JARID2: variants seen among roughly 807,000 people sequenced by gnomAD.
The protein encoded by JARID2 is protein Jumonji.
JARID2 carries 21 observed loss-of-function variants against 125.6 expected under a neutral mutation model. The observed-to-expected ratio is 0.17, with a 90% confidence interval of 0.12 to 0.24. The LOEUF is 0.24. Among genes scored for constraint, JARID2 ranks in the 10% least tolerant of loss-of-function variants. The pLI is 1.00. For missense variants in JARID2, 1,303 were observed against 1,639.6 expected (o/e 0.79, Z 3.55); for synonymous variants, 736 against 661.6 (o/e 1.11, Z -1.73).
At chr6:15,454,011 C>T (rs747547912) in intron 4 of JARID2, among the ~76,000 whole-genome samples, 4 of 152,144 alleles carry the variant, frequency 2.6e-5, no homozygotes, top group Admixed American at 6.5e-5. Context: ...AGGGTCTATC[C>T]GAAGTTCTGT....
At position 15,496,461 on chromosome 6, in the gene JARID2, G is replaced by A. The variant is rs902290065; in HGVS notation, c.1236G>A (p.Arg412=). 1 of 1,613,408 alleles carries A rather than the reference G, an allele frequency of 6.2e-7. No individual in the cohort carries two copies. Among genetic ancestry groups the A allele is most frequent in the African/African-American group, 1.3e-5 (1 of 74,922 alleles). The change falls in exon 7 of 18, where the codon AGG becomes AGA. Residue 412 remains arginine, a synonymous_variant. Transcript: ENST00000341776. ...PAVNGLKVSG[R]LNPKSCTKEV... The stretch of plus-strand genomic sequence containing the variant: ...TCAATGGCCTCAAGGTCAGTGGCAG[G>A]TTGAACCCAAAGTCATGCACTAAGG...
intron 1 of JARID2, among the ~76,000 whole-genome samples, chr6:15,360,671 A>G (rs948174519): frequency 1.3e-5 from 2 of 151,948 alleles, no homozygotes; most frequent in Admixed American, 1.3e-4. Context: ...CTAATTTTAA[A>G]TTTTTGTTGT....
intron 2 of JARID2, among the ~76,000 whole-genome samples, chr6:15,391,119 C>T (rs35245115): frequency 6.8e-6 from 1 of 147,272 alleles, no homozygotes; most frequent in African/African-American, 2.5e-5. Flanking sequence ...AGCAGGACAC[C>T]TAAGGGACGG....
At chr6:15,289,609 C>T (rs1761131529) in intron 1 of JARID2, among the ~76,000 whole-genome samples, 1 of 151,976 alleles carries the variant, frequency 6.6e-6, no homozygotes. Flanking sequence ...GTAATCCCAG[C>T]ACTTTGGGAG....
intron 5 of JARID2, among the ~76,000 whole-genome samples, chr6:15,476,979 T>G (rs1443309421): frequency 1.3e-5 from 2 of 152,230 alleles, no homozygotes; most frequent in South Asian, 4.1e-4. Flanking sequence ...GAGACCTTGG[T>G]GAAGGCTTGT....
chr6:15,324,740 C>G (rs529587746), intron 1 of JARID2, among the ~76,000 whole-genome samples: 2 of 151,304 alleles, frequency 1.3e-5, no homozygotes, highest in African/African-American at 4.8e-5. Flanking sequence ...CCTCCTGCCT[C>G]GGCCTCTCAC....
intron 1 of JARID2, among the ~76,000 whole-genome samples, chr6:15,298,004 A>T (rs146597488): frequency 5.8e-4 from 88 of 152,270 alleles, no homozygotes; most frequent in African/African-American, 1.6e-3. Flanking sequence ...GATCTAAGAC[A>T]ATTGAGTCAG....
chr6:15,343,770 A>G (rs1763151519), intron 1 of JARID2, among the ~76,000 whole-genome samples: 1 of 152,226 alleles, frequency 6.6e-6, no homozygotes, highest in Non-Finnish European at 1.5e-5. Flanking sequence ...CATAATGATC[A>G]CAAGACTATA....
At chr6:15,428,937 C>CA (rs1766849588) in intron 3 of JARID2, among the ~76,000 whole-genome samples, 1 of 146,530 alleles carries the variant, frequency 6.8e-6, no homozygotes, top group Non-Finnish European at 1.5e-5. Flanking sequence ...CAAACCCCCC[C>CA]CCCAAAAAAA....
chr6:15,487,759 G>A (rs1443536453), intron 6 of JARID2, among the ~76,000 whole-genome samples: 1 of 152,240 alleles, frequency 6.6e-6, no homozygotes, highest in East Asian at 1.9e-4. Flanking sequence ...ATCCCTGGGT[G>A]CCACTGCATT....
At position 15,314,125 on chromosome 6, in the gene JARID2, C is replaced by T. The variant is rs185197159; in HGVS notation, c.46-59992C>T. Among the ~76,000 whole-genome samples the T allele has an allele frequency of 6.6e-3, 1,006 of 152,262 alleles. 20 individuals are homozygous for T. The highest frequency in any genetic ancestry group is 0.022 in the African/African-American group (928 of 41,536). The stretch of plus-strand genomic sequence containing the variant: ...TCAAAGGGACGGGCTTAAGGTTAAG[C>T]TCAGTTAGTGGATGGCAGAGGCTGT... On this transcript the variant is annotated intron_variant, in intron 1 of 17. Transcript: ENST00000341776.
chr6:15,279,305 A>G (rs1393516558), intron 1 of JARID2, among the ~76,000 whole-genome samples: 2 of 152,160 alleles, frequency 1.3e-5, no homozygotes, highest in Non-Finnish European at 2.9e-5. Flanking sequence ...GTTTTCTGAA[A>G]TGGTTGGAGC....
At chr6:15,306,336 T>TTC (rs1475720707) in intron 1 of JARID2, among the ~76,000 whole-genome samples, 1 of 144,440 alleles carries the variant, frequency 6.9e-6, no homozygotes. Context: ...TTCTTTTTTT[T>TTC]TTTTTTTTTT....
Position 15,400,909 on chromosome 6 carries a change from CCTT to C in JARID2, c.182-9310_182-9308del, listed in dbSNP as rs748152428. The C allele has an allele frequency of 2.7e-5, 35 of 1,289,102 alleles. 1 individual carries two copies. Among genetic ancestry groups the C allele is most frequent in the South Asian group, 2.0e-4 (16 of 80,990 alleles). The allele number at this position is 1,289,102 out of a possible 1,614,324, so 79.9% of individuals were successfully genotyped here. A position where few individuals can be genotyped will look rare whatever the true frequency, so the allele number is the denominator to read the frequency against. Reference sequence around the variant, plus strand: ...GCTCTTCCTCCCTCCCTCCCTCTGTCCTTCTTCCTCTCTGTCTCTCTGCAATGA... The same window carrying C: ...GCTCTTCCTCCCTCCCTCCCTCTGTCCTTCCTCTCTGTCTCTCTGCAATGA... On this transcript the variant is annotated intron_variant, in intron 2 of 17. Transcript: ENST00000341776.
intron 4 of JARID2, 138 bp downstream of exon 4, chr6:15,452,313 T>TTACA: frequency 1.5e-6 from 2 of 1,291,700 alleles, no homozygotes; most frequent in Non-Finnish European, 2.1e-6. Flanking sequence ...GAATTGAAAG[T>TTACA]GAGAAATCCC....
intron 6 of JARID2, among the ~76,000 whole-genome samples, chr6:15,488,152 C>G (rs977019115): frequency 6.6e-6 from 1 of 152,298 alleles, no homozygotes; most frequent in Non-Finnish European, 1.5e-5. Flanking sequence ...TGCGCTGTCC[C>G]CCCACCCGCT....
intron 1 of JARID2, among the ~76,000 whole-genome samples, chr6:15,269,760 T>C (rs1247987075): frequency 4.0e-5 from 6 of 151,874 alleles, no homozygotes; most frequent in Admixed American, 3.3e-4. Flanking sequence ...ATCCAGGCAG[T>C]GTTTATGTAT....
chr6:15,417,763 A>G (rs957466493), intron 3 of JARID2, among the ~76,000 whole-genome samples: 1 of 152,178 alleles, frequency 6.6e-6, no homozygotes, highest in Non-Finnish European at 1.5e-5. Flanking sequence ...AAATAAGCGA[A>G]TAAATAAATA....
intron 1 of JARID2, among the ~76,000 whole-genome samples, chr6:15,253,348 C>T (rs1260963101): frequency 6.6e-6 from 1 of 152,174 alleles, no homozygotes; most frequent in Non-Finnish European, 1.5e-5. Flanking sequence ...CAGGCGTGAG[C>T]CACCGTGCCT....
Sources: allele counts gnomAD v4.1 joint callset (sites outside exome capture counted in the v4.1 genomes callset), GRCh38; gene constraint gnomAD v4.1.1; transcripts MANE v1.5; gene names NCBI Gene and HGNC (gene_info 2026-07-23, HGNC 2026-07-21).